GTSE1: variants seen among roughly 807,000 people sequenced by gnomAD.
GTSE1 encodes G2 and S-phase expressed 1.
In GTSE1, 52 loss-of-function variants were observed where a neutral mutation model predicts 60.5. The ratio of observed to expected loss-of-function variants is 0.86; its 90% CI spans 0.69 to 1.08. The LOEUF (loss-of-function observed/expected upper bound fraction) is 1.08, where lower values mean the gene tolerates loss of function less well. GTSE1 is among the 50% of genes least tolerant of loss of function. GTSE1 has a pLI of 0.00. For missense variants in GTSE1, 937 were observed against 961.8 expected (o/e 0.97, Z 0.34); for synonymous variants, 368 against 386.5 (o/e 0.95, Z 0.56).
intron 8 of GTSE1, among the ~76,000 whole-genome samples, chr22:46,325,357 C>A (rs539532060): frequency 6.6e-6 from 1 of 152,100 alleles, no homozygotes; most frequent in Non-Finnish European, 1.5e-5. Context: ...CCACCACACC[C>A]GGCTCATTTT....
At chr22:46,305,063 A>G (rs1353981416) in intron 2 of GTSE1, among the ~76,000 whole-genome samples, 2 of 152,214 alleles carry the variant, frequency 1.3e-5, no homozygotes, top group Non-Finnish European at 2.9e-5. Flanking sequence ...TTTTTTGGTA[A>G]CATACTTACT....
intron 2 of GTSE1, among the ~76,000 whole-genome samples, chr22:46,299,603 C>T (rs2077677596): frequency 6.6e-6 from 1 of 152,232 alleles, no homozygotes; most frequent in Non-Finnish European, 1.5e-5. Flanking sequence ...ACAGACTCTC[C>T]ATCTCCATCC....
chr22:46,325,123 G>C (rs2077836288), intron 8 of GTSE1, among the ~76,000 whole-genome samples: 1 of 152,320 alleles, frequency 6.6e-6, no homozygotes, highest in East Asian at 1.9e-4. Flanking sequence ...GTGAGGGCCT[G>C]TTTCCCGATT....
At chr22:46,299,794 CTTTTTCTTTTTTT>C (rs2077678873) in intron 2 of GTSE1, among the ~76,000 whole-genome samples, 1 of 151,094 alleles carries the variant, frequency 6.6e-6, no homozygotes, top group Non-Finnish European at 1.5e-5. Flanking sequence ...TTTCTTTTTT[CTTTTTCTTTTTTT>C]TTTTTGAGAC....
chr22:46,323,409 G>A (rs1480472566), intron 8 of GTSE1, 147 bp downstream of exon 8: 2 of 688,304 alleles, frequency 2.9e-6, no homozygotes, highest in South Asian at 1.5e-5. Flanking sequence ...CTCCTGATGT[G>A]TACCAGCCCC....
chr22:46,322,701 A>G (rs1306546587), intron 7 of GTSE1, among the ~76,000 whole-genome samples: 1 of 152,210 alleles, frequency 6.6e-6, no homozygotes, highest in Non-Finnish European at 1.5e-5. Flanking sequence ...AAAACAGCAC[A>G]AACACAGTGT....
chr22:46,326,685 T>C, intron 9 of GTSE1, 31 bp downstream of exon 9: 1 of 1,508,486 alleles, frequency 6.6e-7, no homozygotes, highest in Non-Finnish European at 9.1e-7. Flanking sequence ...TAAATTGGTC[T>C]CAAATTCCTA....
rs1054436927 is a variant in GTSE1, at chr22:46,321,704, G to T, written c.1433-1486G>T. Among the ~76,000 whole-genome samples, 10 of 152,218 alleles carry T rather than the reference G, an allele frequency of 6.6e-5. No individual in the cohort carries two copies. The highest frequency in any genetic ancestry group is 1.3e-4 in the Admixed American group (2 of 15,282). On this transcript the variant is annotated intron_variant, in intron 7 of 11. Coordinates refer to ENST00000454366, the MANE Select transcript of GTSE1 (RefSeq NM_016426.7). The surrounding 1 kb of genome is among the most constrained non-coding windows in gnomAD (Gnocchi z 4.0). ...GGAAGCAGAGCTGGGTGTGGTGGGA[G>T]ACTTGTTTGTCTCATAAAATTTTAA...
rs58434356 is a variant in GTSE1, at chr22:46,297,008, G to A, written c.-22+77G>A. ...GCGCGGTGCCCGCCGTTTTCGGGAC[G>A]GGGAGGGGCCGCGCCCCGCCAGGAG... On this transcript the variant is annotated intron_variant, in intron 1 of 11. Transcript: ENST00000454366. The surrounding 1 kb of genome is among the most constrained non-coding windows in gnomAD (Gnocchi z 4.9). 0.087 allele frequency: 16,487 copies of A among 189,838 alleles called. 1,847 individuals are homozygous for A. Among genetic ancestry groups the A allele is most frequent in the African/African-American group, 0.29 (12,048 of 41,880 alleles). 11.8% of individuals were successfully genotyped at this position (189,838 alleles called of 1,614,324 possible). A position where few individuals can be genotyped will look rare whatever the true frequency, so the allele number is the denominator to read the frequency against.
rs949071249 is a variant in GTSE1, at chr22:46,320,754, C to T, written c.1433-2436C>T. 2.6e-5 allele frequency among the ~76,000 whole-genome samples: 4 copies of T among 152,208 alleles called. No homozygotes were observed. Among genetic ancestry groups the T allele is most frequent in the Non-Finnish European group, 5.9e-5 (4 of 68,044 alleles). The stretch of plus-strand genomic sequence containing the variant: ...TGAGACTTGGAATTCTGGCTGTGGG[C>T]TTTGCCTCCCCGGTACTGGGAGCTG... On this transcript the variant is annotated intron_variant, in intron 7 of 11. Transcript: ENST00000454366. This position sits in a 1 kb window ranked among gnomAD's most constrained non-coding sequence, Gnocchi z 7.1.
At position 46,309,554 on chromosome 22, in the gene GTSE1, T is replaced by C. The variant is rs991547638; in HGVS notation, c.762+611T>C. 2.0e-5 allele frequency among the ~76,000 whole-genome samples: 3 copies of C among 152,108 alleles called. No individual in the cohort carries two copies. The East Asian group carries it at 5.8e-4, about 29-fold the overall frequency. On this transcript the variant is annotated intron_variant, in intron 4 of 11. Coordinates refer to ENST00000454366, the MANE Select transcript of GTSE1 (RefSeq NM_016426.7). The surrounding 1 kb of genome is among the most constrained non-coding windows in gnomAD (Gnocchi z 6.2). The stretch of plus-strand genomic sequence containing the variant: ...CCACCCTGCAGCCCGTTCCCAGCTC[T>C]GCCCCCTCCCCTGGGCAGCACGTAC...
Position 46,314,692 on chromosome 22 carries a change from A to G in GTSE1, c.1051+679A>G, listed in dbSNP as rs1162395605. The stretch of plus-strand genomic sequence containing the variant: ...GGAGTTTGAGACCAGCCTGGCCAAC[A>G]TGGTGAAACCCTGTCTCTACTAAAA... On this transcript the variant is annotated intron_variant, in intron 6 of 11. Transcript: ENST00000454366. The surrounding 1 kb of genome is among the most constrained non-coding windows in gnomAD (Gnocchi z 7.1). Among the ~76,000 whole-genome samples the G allele has an allele frequency of 1.3e-5, 2 of 152,042 alleles. No individual in the cohort carries two copies. Among genetic ancestry groups the G allele is most frequent in the African/African-American group, 4.8e-5 (2 of 41,422 alleles).
rs2077864081 is a variant in GTSE1 at position 46,329,504 on chromosome 22, C to T, written c.2073C>T (p.Asp691=). 2 of 1,614,214 alleles carry T rather than the reference C, an allele frequency of 1.2e-6. No individual in the cohort carries two copies. The highest frequency in any genetic ancestry group is 1.7e-5 in the Admixed American group (1 of 60,028). The part of the protein sequence containing the change: ...AVGSESRPLI[D]LMTNTPDMNK... ...GATCTGAAAGCAGGCCTCTGATCGA[C>T]CTCATGACAAACACTCCAGACATGA... Residue 691 remains aspartate, a synonymous_variant, in exon 11 of 12, where the codon GAC becomes GAT. Coordinates refer to ENST00000454366, the MANE Select transcript of GTSE1 (RefSeq NM_016426.7). This position sits in a 1 kb window ranked among gnomAD's most constrained non-coding sequence, Gnocchi z 6.4.
intron 2 of GTSE1, among the ~76,000 whole-genome samples, chr22:46,298,187 T>A (rs1408839691): frequency 6.6e-6 from 1 of 151,310 alleles, no homozygotes; most frequent in Non-Finnish European, 1.5e-5. Flanking sequence ...GGTCTCGAAC[T>A]CCTGAGCTCA....
rs891445032 is a variant in GTSE1, at chr22:46,324,933, C to T, written c.1506-1503C>T. Reference sequence around the variant, plus strand: ...CAATAGACAGGTCTCCCTGGCCTCCCGAGGGGCCATGGTGGTGGGATGTCC... The same window carrying T: ...CAATAGACAGGTCTCCCTGGCCTCCTGAGGGGCCATGGTGGTGGGATGTCC... On this transcript the variant is annotated intron_variant, in intron 8 of 11. Transcript: ENST00000454366. The surrounding 1 kb of genome is among the most constrained non-coding windows in gnomAD (Gnocchi z 5.2). Among the ~76,000 whole-genome samples, 5 of 152,166 alleles carry T rather than the reference C, an allele frequency of 3.3e-5. No homozygotes were observed. The highest frequency in any genetic ancestry group is 6.5e-5 in the Admixed American group (1 of 15,278).
At chr22:46,315,348 C>T (rs967793755) in intron 6 of GTSE1, among the ~76,000 whole-genome samples, 2 of 152,166 alleles carry the variant, frequency 1.3e-5, no homozygotes, top group Admixed American at 6.5e-5. Context: ...CGAGCCACTG[C>T]GCCTGGCCCA....
In GTSE1 at chr22:46,313,799, G is replaced by A; in HGVS notation, c.928-91G>A. 4 of 1,452,664 alleles carry A rather than the reference G, an allele frequency of 2.8e-6. No individual in the cohort carries two copies. The highest frequency in any genetic ancestry group is 2.9e-6 in the Non-Finnish European group (3 of 1,045,530). 90.0% of individuals were successfully genotyped at this position (1,452,664 alleles called of 1,614,324 possible). A position where few individuals can be genotyped will look rare whatever the true frequency, so the allele number is the denominator to read the frequency against. On this transcript the variant is annotated intron_variant, in intron 5 of 11. Transcript: ENST00000454366. The surrounding 1 kb of genome is among the most constrained non-coding windows in gnomAD (Gnocchi z 4.4). ...TGGGATTACAGGCGTGAGCCACCGT[G>A]CCCAGCCAAAAACCCCTTACTTTTG... is the stretch of plus-strand genomic sequence containing the variant.
chr22:46,319,612 G>A lies in GTSE1; in HGVS notation c.1432+3200G>A, dbSNP rs1267586409. Among the ~76,000 whole-genome samples the A allele has an allele frequency of 1.3e-5, 2 of 152,204 alleles. No individual in the cohort carries two copies. The highest frequency in any genetic ancestry group is 6.5e-5 in the Admixed American group (1 of 15,284). The stretch of plus-strand genomic sequence containing the variant: ...ACTTAGGCTGCAGCTGAGGGGTGGA[G>A]CAGGCTGAGAGCTCAGAGGAGAAGC... On this transcript the variant is annotated intron_variant, in intron 7 of 11. Coordinates refer to ENST00000454366, the MANE Select transcript of GTSE1 (RefSeq NM_016426.7). The surrounding 1 kb of genome is among the most constrained non-coding windows in gnomAD (Gnocchi z 5.0).
rs11090863 is a variant in GTSE1, at chr22:46,309,510, C to T, written c.762+567C>T. 0.073 allele frequency among the ~76,000 whole-genome samples: 11,070 copies of T among 152,128 alleles called. 564 individuals carry two copies. Among genetic ancestry groups the T allele is most frequent in the Non-Finnish European group, 0.11 (7,527 of 67,940 alleles). ...AGAGGCCACAGAGAGGAAGACGGGG[C>T]GGGTGGGAGCCCCGGGGCCCACCCT... On this transcript the variant is annotated intron_variant, in intron 4 of 11. Coordinates refer to ENST00000454366, the MANE Select transcript of GTSE1 (RefSeq NM_016426.7). The surrounding 1 kb of genome is among the most constrained non-coding windows in gnomAD (Gnocchi z 6.2).
Sources: allele counts gnomAD v4.1 joint callset (sites outside exome capture counted in the v4.1 genomes callset), GRCh38; gene constraint gnomAD v4.1.1; non-coding constraint Gnocchi (gnomAD v3.1); transcripts MANE v1.5; gene names NCBI Gene and HGNC (gene_info 2026-07-23, HGNC 2026-07-21).